Variants in DNAI2 observed in about 807,000 individuals in gnomAD.
The protein encoded by DNAI2 is dynein axonemal intermediate chain 2.
In DNAI2, 63 loss-of-function variants were observed where a neutral mutation model predicts 74.7. The observed-to-expected ratio is 0.84, with a 90% CI of 0.69 to 1.04. The LOEUF is 1.04. DNAI2 is among the 50% of genes least tolerant of loss of function. The pLI, the probability that DNAI2 is intolerant of heterozygous loss-of-function variation, is 0.00. For missense variants in DNAI2, 688 were observed against 803.2 expected (o/e 0.86, Z 1.73); for synonymous variants, 289 against 314.9 (o/e 0.92, Z 0.87).
intron 1 of DNAI2, among the ~76,000 whole-genome samples, chr17:74,276,986 A>G (rs77564993): frequency 0.022 from 3,376 of 152,260 alleles, 139 homozygotes; most frequent in African/African-American, 0.077. Flanking sequence ...TCCATGTGGT[A>G]AAAACACACT....
intron 6 of DNAI2, among the ~76,000 whole-genome samples, chr17:74,298,532 C>T (rs2052578221): frequency 6.6e-6 from 1 of 152,078 alleles, no homozygotes; most frequent in Admixed American, 6.5e-5. Flanking sequence ...GTCTTGAACT[C>T]CTGACCACAA....
intron 1 of DNAI2, among the ~76,000 whole-genome samples, chr17:74,279,531 C>T (rs2051277363): frequency 6.6e-6 from 1 of 152,028 alleles, no homozygotes; most frequent in Non-Finnish European, 1.5e-5. Flanking sequence ...AACCTGCTCA[C>T]GTAATCCTGT....
intron 4 of DNAI2, among the ~76,000 whole-genome samples, chr17:74,287,852 T>A (rs998383645): frequency 6.6e-6 from 1 of 151,686 alleles, no homozygotes; most frequent in Non-Finnish European, 1.5e-5. Context: ...CTACTCGGGA[T>A]GCTGAGGCAG....
At chr17:74,293,555 G>A (rs368378867) in intron 6 of DNAI2, among the ~76,000 whole-genome samples, 22 of 151,258 alleles carry the variant, frequency 1.5e-4, no homozygotes, top group African/African-American at 5.1e-4. Context: ...AGTATGTCTT[G>A]TAGCCAGGTG....
rs746968131 is a variant in DNAI2, at chr17:74,310,101, C to T, written c.1432C>T (p.Leu478=). 14 of 1,613,776 alleles carry T rather than the reference C, an allele frequency of 8.7e-6. No homozygotes were observed. The highest frequency in any genetic ancestry group is 6.7e-5 in the East Asian group (3 of 44,892). The change falls in exon 11 of 14, where the codon CTG becomes TTG. Residue 478 remains leucine, a synonymous_variant. Coordinates refer to ENST00000311014, the MANE Select transcript of DNAI2 (RefSeq NM_023036.6). ...CGGCTCCCAGCTGGGGACAACCACC[C>T]TGCTGGAGGTCTCGCCTGGGCTCTC... is the stretch of plus-strand genomic sequence containing the variant. ...ACGSQLGTTT[L]LEVSPGLSTL...
At position 74,310,106 on chromosome 17, in the gene DNAI2, G is replaced by A. The variant is rs1356113280; in HGVS notation, c.1437G>A (p.Leu479=). 1 of 1,613,860 alleles carries A rather than the reference G, an allele frequency of 6.2e-7. No individual in the cohort carries two copies. The highest frequency in any genetic ancestry group is 1.7e-5 in the Admixed American group (1 of 60,024). ...CGSQLGTTTL[L]EVSPGLSTLQ... ...CCCAGCTGGGGACAACCACCCTGCTGGAGGTCTCGCCTGGGCTCTCTACCC... is the reference window on the plus strand; with the variant it reads ...CCCAGCTGGGGACAACCACCCTGCTAGAGGTCTCGCCTGGGCTCTCTACCC... The change falls in exon 11 of 14, where the codon CTG becomes CTA. Residue 479 remains leucine (L), a synonymous_variant. Transcript: ENST00000311014.
At chr17:74,287,532 G>A (rs754430392) in intron 4 of DNAI2, among the ~76,000 whole-genome samples, 60 of 152,094 alleles carry the variant, frequency 3.9e-4, no homozygotes, top group Non-Finnish European at 7.5e-4. Flanking sequence ...TGAAATCACC[G>A]CAGGCGTGGA....
intron 9 of DNAI2, among the ~76,000 whole-genome samples, chr17:74,307,714 A>T (rs944239808): frequency 2.0e-5 from 3 of 148,596 alleles, no homozygotes; most frequent in African/African-American, 7.9e-5. Context: ...AAAAAAAAAA[A>T]CTATTTTTTT....
Position 74,301,179 on chromosome 17 carries a change from C to T in DNAI2, c.987+11C>T, listed in dbSNP as rs751931749. 1.2e-6 allele frequency: 2 copies of T among 1,613,186 alleles called. No individual in the cohort carries two copies. The highest frequency in any genetic ancestry group is 8.5e-7 in the Non-Finnish European group (1 of 1,179,422). ...TTCGAATCTACTTTGGTGAGTGTCC[C>T]TTGCTGTCCCTTCCCCGACTTGCAT... On this transcript the variant is annotated intron_variant, in intron 8 of 13. Coordinates refer to ENST00000311014, the MANE Select transcript of DNAI2 (RefSeq NM_023036.6).
chr17:74,279,711 T>C (rs1026264724), intron 1 of DNAI2, among the ~76,000 whole-genome samples: 2 of 152,194 alleles, frequency 1.3e-5, no homozygotes, highest in African/African-American at 2.4e-5. Flanking sequence ...GTATTTTTAG[T>C]AGAGATGGGT....
chr17:74,285,970 T>TAGAG lies in DNAI2; in HGVS notation c.345+793_345+796dup, dbSNP rs3056091. Among the ~76,000 whole-genome samples, 55 of 146,934 alleles carry TAGAG rather than the reference T, an allele frequency of 3.7e-4. 1 individual carries two copies. The East Asian group carries it at 4.4e-3, about 12-fold the overall frequency. On this transcript the variant is annotated intron_variant, in intron 3 of 13. Coordinates refer to ENST00000311014, the MANE Select transcript of DNAI2 (RefSeq NM_023036.6). ...ATACACACACACACATATATATATA[T>TAGAG]AGAGAGAGAGAGAGAGAGAGAGAGA...
intron 5 of DNAI2, among the ~76,000 whole-genome samples, chr17:74,290,354 AG>A (rs2052010646): frequency 6.6e-6 from 1 of 152,166 alleles, no homozygotes; most frequent in Non-Finnish European, 1.5e-5. Flanking sequence ...CAGACTGAGA[AG>A]GGACTCAAGG....
rs553708947 is a variant in DNAI2, at chr17:74,310,959, C to A, written c.1494+796C>A. Among the ~76,000 whole-genome samples, 220 of 152,274 alleles carry A rather than the reference C, an allele frequency of 1.4e-3. 2 individuals carry two copies. The highest frequency in any genetic ancestry group is 5.1e-3 in the African/African-American group (212 of 41,574). On this transcript the variant is annotated intron_variant, in intron 11 of 13. Transcript: ENST00000311014. ...GCACAATCATGGCCCACTGCAGCCT[C>A]TACCTCCCAGGCTGAATCGGTCCTC...
intron 8 of DNAI2, among the ~76,000 whole-genome samples, chr17:74,304,196 T>TC (rs1405742059): frequency 1.6e-5 from 2 of 126,942 alleles, no homozygotes; most frequent in Non-Finnish European, 3.3e-5. Flanking sequence ...CTTTTTTTTT[T>TC]TTTTTTTTTT....
intron 6 of DNAI2, among the ~76,000 whole-genome samples, chr17:74,298,383 C>A (rs1182862129): frequency 6.6e-6 from 1 of 152,216 alleles, no homozygotes. Flanking sequence ...CAGCTCACTG[C>A]AACATCTGCC....
intron 11 of DNAI2, among the ~76,000 whole-genome samples, chr17:74,310,392 G>A (rs373950256): frequency 1.8e-4 from 27 of 151,930 alleles, no homozygotes; most frequent in African/African-American, 6.5e-4. Context: ...TCACTCTCCA[G>A]GATTCAGTTT....
At chr17:74,293,619 G>C (rs562548558) in intron 6 of DNAI2, among the ~76,000 whole-genome samples, 2 of 151,692 alleles carry the variant, frequency 1.3e-5, no homozygotes, top group African/African-American at 4.8e-5. Context: ...CACGAGAATC[G>C]CTTGAACCTG....
At chr17:74,286,515 G>A (rs936799986) in intron 3 of DNAI2, among the ~76,000 whole-genome samples, 7 of 151,828 alleles carry the variant, frequency 4.6e-5, no homozygotes, top group Non-Finnish European at 1.0e-4. Flanking sequence ...CCACCTCCCG[G>A]GTTCAAGCAA....
At chr17:74,276,660 A>G (rs1051002523) in intron 1 of DNAI2, among the ~76,000 whole-genome samples, 1 of 152,158 alleles carries the variant, frequency 6.6e-6, no homozygotes, top group African/African-American at 2.4e-5. Context: ...CTGCCTCCAG[A>G]CACAAGACAA....
Sources: gnomAD v4.1 joint callset for allele counts (sites outside exome capture counted in the v4.1 genomes callset) on GRCh38, gnomAD v4.1.1 for gene constraint, MANE v1.5 for transcripts, NCBI Gene and HGNC (gene_info 2026-07-23, HGNC 2026-07-21) for gene names.